Variants in SLAMF6 observed in about 807,000 individuals in gnomAD.
The protein encoded by SLAMF6 is NK-T-B-antigen.
SLAMF6 carries 21 observed loss-of-function variants against 38.3 expected under a neutral mutation model. The observed-to-expected ratio is 0.55, with a 90% confidence interval of 0.39 to 0.79. The LOEUF is 0.79. Among genes scored for constraint, SLAMF6 ranks in the 30% least tolerant of loss-of-function variants. SLAMF6 has a pLI of 0.00. For synonymous variants in SLAMF6, 152 were observed against 146.3 expected (o/e 1.04, Z -0.28); for missense variants, 341 against 385.3 (o/e 0.89, Z 0.96).
At chr1:160,492,693 G>T (rs1411782658) in intron 2 of SLAMF6, among the ~76,000 whole-genome samples, 1 of 152,106 alleles carries the variant, frequency 6.6e-6, no homozygotes, top group African/African-American at 2.4e-5. Context: ...ATAGTCTAAA[G>T]GACTCCCGTT....
chr1:160,511,010 C>T (rs912458459), intron 1 of SLAMF6, among the ~76,000 whole-genome samples: 1 of 151,992 alleles, frequency 6.6e-6, no homozygotes, highest in East Asian at 1.9e-4. Flanking sequence ...AACAAAATAC[C>T]TGGCAATAAT....
In SLAMF6 at chr1:160,487,128, G is replaced by A. The variant is rs1653007801; in HGVS notation, c.927C>T (p.Tyr309=). ...TPRENDTITI[Y]STINHSKESK... is the part of the protein sequence containing the mutation. The stretch of plus-strand genomic sequence containing the variant: ...CCTCTTTGGAATGATTAATTGTGGA[G>A]TAAATTGTGATAGTATCATTTTCTC... The change falls in exon 7 of 8, where the codon TAC becomes TAT. Residue 309 remains tyrosine, a synonymous_variant. Coordinates refer to ENST00000368057, the MANE Select transcript of SLAMF6 (RefSeq NM_001184714.2). The A allele has an allele frequency of 6.2e-7, 1 of 1,613,180 alleles. No individual in the cohort carries two copies. The highest frequency in any genetic ancestry group is 8.5e-7 in the Non-Finnish European group (1 of 1,179,510).
At chr1:160,487,265 A>T in intron 6 of SLAMF6, 90 bp from the exon 7 acceptor site, 1 of 1,182,554 alleles carries the variant, frequency 8.5e-7, no homozygotes, top group Non-Finnish European at 1.2e-6. Context: ...GTGACAAAAA[A>T]GAGAATATGT....
intron 1 of SLAMF6, among the ~76,000 whole-genome samples, chr1:160,516,105 C>G (rs1654730200): frequency 6.6e-6 from 1 of 152,038 alleles, no homozygotes; most frequent in African/African-American, 2.4e-5. Context: ...CTAGAAAACC[C>G]CATCATCTCA....
Position 160,522,379 on chromosome 1 carries a change from A to ACCCTGGGCTAG in SLAMF6, c.49+754_49+764dup, listed in dbSNP as rs561446087. ...TGAATGCTTCCTACTTTTATCTGCTACCCTGGGCTAGCTCTGGACTAGATT... is the reference window on the plus strand; with the variant it reads ...TGAATGCTTCCTACTTTTATCTGCTACCCTGGGCTAGCCCTGGGCTAGCTCTGGACTAGATT... On this transcript the variant is annotated intron_variant, in intron 1 of 7. Transcript: ENST00000368057. Among the ~76,000 whole-genome samples the ACCCTGGGCTAG allele has an allele frequency of 8.3e-4, 127 of 152,270 alleles. 3 individuals are homozygous for ACCCTGGGCTAG. In the East Asian group the frequency reaches 0.022, roughly 27 times the overall value.
At position 160,486,646 on chromosome 1, in the gene SLAMF6, TTC is replaced by T. The variant is rs1418695959; in HGVS notation, c.*59_*60del. The T allele has an allele frequency of 6.6e-7, 1 of 1,513,268 alleles. No homozygotes were observed. The highest frequency in any genetic ancestry group is 9.2e-7 in the Non-Finnish European group (1 of 1,089,674). The allele number at this position is 1,513,268 out of a possible 1,614,324, so 93.7% of individuals were successfully genotyped here. ...CAGGAACCAAGCTTCCTGTTCTTTG[TTC>T]TGTCTCATGGGATCAGAAGACGTGT... is the stretch of plus-strand genomic sequence containing the variant. On this transcript the variant is annotated 3_prime_UTR_variant, in exon 8 of 8. Coordinates refer to ENST00000368057, the MANE Select transcript of SLAMF6 (RefSeq NM_001184714.2).
intron 1 of SLAMF6, among the ~76,000 whole-genome samples, chr1:160,498,158 T>C (rs1159902423): frequency 6.6e-6 from 1 of 152,042 alleles, no homozygotes; most frequent in African/African-American, 2.4e-5. Flanking sequence ...GTTTTTTTTT[T>C]ATTTTTTGAC....
At chr1:160,489,907 G>T (rs566226442) in intron 5 of SLAMF6, among the ~76,000 whole-genome samples, 3 of 152,156 alleles carry the variant, frequency 2.0e-5, no homozygotes, top group Admixed American at 2.0e-4. Flanking sequence ...GGACTTGCTG[G>T]GTGACAAGGG....
intron 1 of SLAMF6, among the ~76,000 whole-genome samples, chr1:160,507,869 T>C (rs2102051567): frequency 6.6e-6 from 1 of 151,934 alleles, no homozygotes; most frequent in African/African-American, 2.4e-5. Flanking sequence ...TACCAAAACA[T>C]GGGATGGAGC....
chr1:160,506,601 T>C (rs1326816129), intron 1 of SLAMF6, among the ~76,000 whole-genome samples: 2 of 152,164 alleles, frequency 1.3e-5, no homozygotes, highest in African/African-American at 4.8e-5. Context: ...TGAAGGTAAA[T>C]CTGACTGCAT....
chr1:160,505,349 A>G (rs919832948), intron 1 of SLAMF6, among the ~76,000 whole-genome samples: 1 of 152,250 alleles, frequency 6.6e-6, no homozygotes, highest in Non-Finnish European at 1.5e-5. Flanking sequence ...TGAAATAAAC[A>G]GAAATTGTCC....
Position 160,499,280 on chromosome 1 carries a change from C to G in SLAMF6, c.50-2887G>C, listed in dbSNP as rs1012770178. Among the ~76,000 whole-genome samples, 9 of 152,290 alleles carry G rather than the reference C, an allele frequency of 5.9e-5. No homozygotes were observed. In the East Asian group the frequency reaches 1.5e-3, roughly 26 times the overall value. On this transcript the variant is annotated intron_variant, in intron 1 of 7. Transcript: ENST00000368057. ...TCCAGTTTCAATCTTCTGCATATGGCTAGCCAGTTATCCAGCACCATTTAT... is the reference window on the plus strand; with the variant it reads ...TCCAGTTTCAATCTTCTGCATATGGGTAGCCAGTTATCCAGCACCATTTAT...
chr1:160,500,202 G>T (rs139620894), intron 1 of SLAMF6, among the ~76,000 whole-genome samples: 1 of 152,152 alleles, frequency 6.6e-6, no homozygotes. Context: ...TTTAAGATTC[G>T]TATAGTTTTT....
chr1:160,506,769 A>G (rs1245394963), intron 1 of SLAMF6, among the ~76,000 whole-genome samples: 1 of 152,212 alleles, frequency 6.6e-6, no homozygotes, highest in Admixed American at 6.5e-5. Flanking sequence ...TAAAGGCAGC[A>G]GAATGAAACA....
chr1:160,492,996 T>A (rs1260297140), intron 2 of SLAMF6, among the ~76,000 whole-genome samples: 2 of 152,184 alleles, frequency 1.3e-5, no homozygotes, highest in Non-Finnish European at 2.9e-5. Context: ...CCCCTTGAAC[T>A]CTACTCTCAA....
intron 3 of SLAMF6, 94 bp from the exon 4 acceptor site, chr1:160,490,779 G>A: frequency 6.6e-7 from 1 of 1,513,778 alleles, no homozygotes; most frequent in South Asian, 1.3e-5. Flanking sequence ...GCCATCTTTG[G>A]GGACTAGGTA....
At chr1:160,490,507 T>A in intron 4 of SLAMF6, 68 bp downstream of exon 4, 1 of 1,573,108 alleles carries the variant, frequency 6.4e-7, no homozygotes, top group East Asian at 2.3e-5. Flanking sequence ...TCCTTGGGAA[T>A]CAGAGGCCCC....
chr1:160,490,850 G>A (rs1653251822), intron 3 of SLAMF6, 165 bp from the exon 4 acceptor site: 1 of 679,944 alleles, frequency 1.5e-6, no homozygotes, highest in South Asian at 6.6e-5. Flanking sequence ...GGGGAGGGTG[G>A]GGCCCAGTGG....
At chr1:160,503,169 A>C (rs1189241050) in intron 1 of SLAMF6, among the ~76,000 whole-genome samples, 1 of 152,154 alleles carries the variant, frequency 6.6e-6, no homozygotes, top group African/African-American at 2.4e-5. Flanking sequence ...AGAAGTTGGA[A>C]TATTTCGCTT....
Sources: gnomAD v4.1 joint callset for allele counts (sites outside exome capture counted in the v4.1 genomes callset) on GRCh38, gnomAD v4.1.1 for gene constraint, MANE v1.5 for transcripts, NCBI Gene and HGNC (gene_info 2026-07-23, HGNC 2026-07-21) for gene names.